RBFOX1: variants seen among roughly 807,000 people sequenced by gnomAD.
RBFOX1 encodes RNA binding fox-1 homolog 1, also known as RNA binding protein fox-1 homolog 1.
A neutral mutation model predicts 57.7 loss-of-function variants in RBFOX1; 8 were observed. The observed-to-expected ratio is 0.14, with a 90% CI of 0.08 to 0.25. RBFOX1 has a LOEUF of 0.25. Ranked by LOEUF, RBFOX1 falls within the 10% of genes least tolerant of loss-of-function variation. RBFOX1 has a pLI of 1.00. For missense variants in RBFOX1, 611 were observed against 548.5 expected (o/e 1.11, Z -1.14); for synonymous variants, 326 against 222.4 (o/e 1.47, Z -4.15).
intron 3 of RBFOX1, among the ~76,000 whole-genome samples, chr16:6,942,436 G>C (rs1210337917): frequency 6.6e-6 from 1 of 152,124 alleles, no homozygotes; most frequent in Non-Finnish European, 1.5e-5. Context: ...TGGGATTACA[G>C]TTTTGAGCCA....
At chr16:6,713,591 T>A (rs901687280) in intron 3 of RBFOX1, among the ~76,000 whole-genome samples, 1 of 152,110 alleles carries the variant, frequency 6.6e-6, no homozygotes, top group Non-Finnish European at 1.5e-5. Context: ...AAGTGTCCCT[T>A]TGTGGGCAAA....
At chr16:5,654,620 C>T (rs536453563) in intron 3 of RBFOX1, among the ~76,000 whole-genome samples, 1 of 152,274 alleles carries the variant, frequency 6.6e-6, no homozygotes, top group South Asian at 2.1e-4. Context: ...CCCCACTGAG[C>T]CTCCCAAAGC....
chr16:5,260,806 A>T (rs529799538), intron 1 of RBFOX1: 1 of 152,222 alleles, frequency 6.6e-6, no homozygotes, highest in African/African-American at 2.4e-5. Context: ...TTGCAAGTCT[A>T]CGTTTGAGTT....
intron 4 of RBFOX1, among the ~76,000 whole-genome samples, chr16:5,944,457 C>T (rs2059350603): frequency 2.0e-5 from 3 of 152,024 alleles, no homozygotes; most frequent in Admixed American, 2.0e-4. Flanking sequence ...TTTTCTCAGG[C>T]AGGTATGGCC....
chr16:6,555,680 A>G (rs750946201), intron 2 of RBFOX1, among the ~76,000 whole-genome samples: 23 of 151,926 alleles, frequency 1.5e-4, no homozygotes, highest in Admixed American at 2.6e-4. Flanking sequence ...AGCCTGGGCG[A>G]CAGAGCTAGA....
intron 3 of RBFOX1, among the ~76,000 whole-genome samples, chr16:5,773,365 A>G (rs953771774): frequency 6.6e-6 from 1 of 152,202 alleles, no homozygotes; most frequent in Non-Finnish European, 1.5e-5. Flanking sequence ...TGGCCATTCA[A>G]ACACACACAC....
At chr16:7,390,782 C>G (rs984808919) in intron 4 of RBFOX1, among the ~76,000 whole-genome samples, 2 of 152,170 alleles carry the variant, frequency 1.3e-5, no homozygotes, top group South Asian at 4.1e-4. Context: ...AGACTATTTT[C>G]TTTCCATTTA....
intron 3 of RBFOX1, among the ~76,000 whole-genome samples, chr16:5,656,173 G>T (rs545709098): frequency 6.6e-6 from 1 of 152,104 alleles, no homozygotes; most frequent in Non-Finnish European, 1.5e-5. Flanking sequence ...CTCTTCTTAG[G>T]TGCATGTGTG....
intron 3 of RBFOX1, among the ~76,000 whole-genome samples, chr16:5,856,151 TTCTCTCTCTCTCTCTCTC>T (rs35841072): frequency 7.4e-5 from 3 of 40,426 alleles, no homozygotes; most frequent in African/African-American, 3.6e-4. Context: ...GTCTTTATGG[TTCTCTCTCTCTCTCTCTC>T]TCTCTCTCTC....
At chr16:7,090,215 A>G (rs1206282986) in intron 4 of RBFOX1, among the ~76,000 whole-genome samples, 2 of 152,224 alleles carry the variant, frequency 1.3e-5, no homozygotes, top group East Asian at 3.9e-4. Context: ...GAAAATGAAG[A>G]GACAAGGAGA....
At chr16:5,989,880 A>ACACACACCCC (rs33912010) in intron 4 of RBFOX1, among the ~76,000 whole-genome samples, 1 of 127,210 alleles carries the variant, frequency 7.9e-6, no homozygotes, top group African/African-American at 2.9e-5. Flanking sequence ...ACACACACAC[A>ACACACACCCC]CCACCCCTGT....
chr16:7,546,612 G>T (rs928845192), intron 5 of RBFOX1, among the ~76,000 whole-genome samples: 1 of 152,174 alleles, frequency 6.6e-6, no homozygotes, highest in Non-Finnish European at 1.5e-5. Context: ...AAAATGCAAA[G>T]ATGATACCTG....
At chr16:5,776,572 T>C (rs1322315751) in intron 3 of RBFOX1, among the ~76,000 whole-genome samples, 2 of 152,186 alleles carry the variant, frequency 1.3e-5, no homozygotes, top group Non-Finnish European at 2.9e-5. Context: ...GTGCTGAACA[T>C]TTTAGGCAGT....
intron 3 of RBFOX1, among the ~76,000 whole-genome samples, chr16:6,849,479 C>G (rs1366952701): frequency 6.6e-6 from 1 of 152,070 alleles, no homozygotes; most frequent in East Asian, 1.9e-4. Context: ...ACCAGCCTCG[C>G]CAATATGGCA....
At chr16:6,721,896 C>G (rs56326441) in intron 3 of RBFOX1, 68,620 of 150,690 alleles carry the variant, frequency 0.46, 18,007 homozygotes, top group Non-Finnish European at 0.6. Flanking sequence ...CCCAAAATAA[C>G]GAGACCTCAC....
chr16:5,884,700 T>C (rs747535107), intron 4 of RBFOX1, among the ~76,000 whole-genome samples: 5 of 152,094 alleles, frequency 3.3e-5, no homozygotes, highest in Non-Finnish European at 7.4e-5. Context: ...TAATGTACTT[T>C]TGCCACAGTT....
At chr16:7,340,876 C>T (rs1276053523) in intron 4 of RBFOX1, among the ~76,000 whole-genome samples, 2 of 152,190 alleles carry the variant, frequency 1.3e-5, no homozygotes, top group Non-Finnish European at 1.5e-5. Context: ...CTTGCTGCAG[C>T]AGCCATCTGT....
intron 2 of RBFOX1, among the ~76,000 whole-genome samples, chr16:5,540,010 T>A (rs2044866496): frequency 6.6e-6 from 1 of 152,238 alleles, no homozygotes; most frequent in Non-Finnish European, 1.5e-5. Flanking sequence ...ATTTTTGCAT[T>A]CTTTTTCTTC....
chr16:5,255,059 G>A (rs1162788140), intron 1 of RBFOX1, among the ~76,000 whole-genome samples: 1 of 152,172 alleles, frequency 6.6e-6, no homozygotes, highest in African/African-American at 2.4e-5. Context: ...GCTGTCATCA[G>A]ATCAACATCT....
Sources: gnomAD v4.1 joint callset for allele counts (sites outside exome capture counted in the v4.1 genomes callset) on GRCh38, gnomAD v4.1.1 for gene constraint, MANE v1.5 for transcripts, NCBI Gene and HGNC (gene_info 2026-07-23, HGNC 2026-07-21) for gene names.